Variants in GMDS observed in about 807,000 individuals in gnomAD.
GMDS encodes GDP-mannose 4,6 dehydratase.
In GMDS, 20 loss-of-function variants were observed where a neutral mutation model predicts 49.9. The ratio of observed to expected loss-of-function variants is 0.40; its 90% CI spans 0.28 to 0.58. GMDS has a LOEUF of 0.58. Among genes scored for constraint, GMDS ranks in the 20% least tolerant of loss-of-function variants. The pLI is 0.42. For synonymous variants in GMDS, 177 were observed against 178.6 expected, an observed-to-expected ratio of 0.99 and a Z score of 0.07; for missense variants, 362 against 481.4, an observed-to-expected ratio of 0.75 and a Z score of 2.32.
intron 1 of GMDS, among the ~76,000 whole-genome samples, chr6:2,127,481 T>C (rs973364322): frequency 1.3e-5 from 2 of 152,006 alleles, no homozygotes; most frequent in African/African-American, 2.4e-5. Context: ...TTTAGAGAGC[T>C]GATGTGAAAC....
chr6:1,867,879 C>T (rs1758516476), intron 7 of GMDS, among the ~76,000 whole-genome samples: 1 of 152,138 alleles, frequency 6.6e-6, no homozygotes, highest in African/African-American at 2.4e-5. Context: ...GTACAAGAAA[C>T]ACTCCTGTGT....
At chr6:1,886,698 C>T (rs942444101) in intron 7 of GMDS, among the ~76,000 whole-genome samples, 2 of 152,112 alleles carry the variant, frequency 1.3e-5, no homozygotes, top group Non-Finnish European at 2.9e-5. Flanking sequence ...GGAACAAACA[C>T]TAAAGTTTCT....
Position 1,702,788 on chromosome 6 carries a change from G to A in GMDS, c.987+23628C>T, listed in dbSNP as rs1765587136. 2.0e-5 allele frequency among the ~76,000 whole-genome samples: 3 copies of A among 152,190 alleles called. No individual in the cohort carries two copies. In the South Asian group the frequency reaches 6.2e-4, roughly 32 times the overall value. ...CTCTGGACATTGGATAGCAGATAATGTCCGCCTCACTGCCCATCTGGTGAC... is the reference window on the plus strand; with the variant it reads ...CTCTGGACATTGGATAGCAGATAATATCCGCCTCACTGCCCATCTGGTGAC... On this transcript the variant is annotated intron_variant, in intron 9 of 10. Coordinates refer to ENST00000380815, the MANE Select transcript of GMDS (RefSeq NM_001500.4).
rs959055782 is a variant in GMDS at position 2,113,215 on chromosome 6, T to TTTCC, written c.345+2552_345+2555dup. On this transcript the variant is annotated intron_variant, in intron 4 of 10. Transcript: ENST00000380815. Reference sequence around the variant, plus strand: ...GTCCCCTGGGCACTGGAGCCCTGGGTTTCCCTCTTCTCTAGTGACCACATC... The same window carrying TTTCC: ...GTCCCCTGGGCACTGGAGCCCTGGGTTTCCTTCCCTCTTCTCTAGTGACCACATC... Among the ~76,000 whole-genome samples, 28 of 152,142 alleles carry TTTCC rather than the reference T, an allele frequency of 1.8e-4. 1 individual carries two copies. The highest frequency in any genetic ancestry group is 7.2e-4 in the Admixed American group (11 of 15,274).
chr6:1,809,653 C>A (rs1304007056), intron 7 of GMDS, among the ~76,000 whole-genome samples: 1 of 152,112 alleles, frequency 6.6e-6, no homozygotes, highest in Non-Finnish European at 1.5e-5. Context: ...GTAACAGGAA[C>A]CAGCCAACCA....
intron 4 of GMDS, among the ~76,000 whole-genome samples, chr6:2,082,376 A>T (rs538594800): frequency 6.6e-6 from 1 of 152,336 alleles, no homozygotes; most frequent in Non-Finnish European, 1.5e-5. Flanking sequence ...AGACAAAAAG[A>T]GAAGAGTGTC....
intron 7 of GMDS, among the ~76,000 whole-genome samples, chr6:1,856,198 T>C (rs745881229): frequency 6.6e-6 from 1 of 152,238 alleles, no homozygotes; most frequent in Non-Finnish European, 1.5e-5. Flanking sequence ...TGCTGGTGTA[T>C]GTGTCTTTAA....
intron 7 of GMDS, among the ~76,000 whole-genome samples, chr6:1,815,536 T>C (rs1770622751): frequency 1.3e-5 from 2 of 152,248 alleles, no homozygotes; most frequent in African/African-American, 4.8e-5. Context: ...AATATGGCCA[T>C]GGAATAATCC....
intron 7 of GMDS, among the ~76,000 whole-genome samples, chr6:1,921,251 T>A (rs1392611055): frequency 1.3e-5 from 2 of 152,272 alleles, no homozygotes. Context: ...CAATTTTATG[T>A]GGTTTAAATC....
At chr6:1,852,508 A>T (rs1757723303) in intron 7 of GMDS, among the ~76,000 whole-genome samples, 1 of 152,232 alleles carries the variant, frequency 6.6e-6, no homozygotes, top group South Asian at 2.1e-4. Flanking sequence ...AACGAGTTTA[A>T]CAGGGCTTTT....
intron 4 of GMDS, among the ~76,000 whole-genome samples, chr6:2,020,468 G>A (rs1167153193): frequency 6.6e-6 from 1 of 152,062 alleles, no homozygotes; most frequent in Non-Finnish European, 1.5e-5. Context: ...CTTTAGCAGA[G>A]GCAGAATGCT....
intron 7 of GMDS, among the ~76,000 whole-genome samples, chr6:1,758,016 C>T (rs529762164): frequency 2.6e-5 from 4 of 152,234 alleles, no homozygotes; most frequent in Non-Finnish European, 5.9e-5. Flanking sequence ...GACATCTCCA[C>T]TCAGAAGAGG....
In GMDS at chr6:1,740,204, T is replaced by TA. The variant is rs544493928; in HGVS notation, c.890+2263dup. Among the ~76,000 whole-genome samples the TA allele has an allele frequency of 3.5e-3, 531 of 152,278 alleles. 2 individuals are homozygous for TA. The highest frequency in any genetic ancestry group is 0.012 in the African/African-American group (509 of 41,544). On this transcript the variant is annotated intron_variant, in intron 8 of 10. Transcript: ENST00000380815. ...TTGTTAAAATATGTTAGAGAGTTAT[T>TA]AAAAAAAGTAATTAATGAGAGTGGC... is the stretch of plus-strand genomic sequence containing the variant.
At chr6:1,854,989 T>C (rs1291374065) in intron 7 of GMDS, among the ~76,000 whole-genome samples, 1 of 152,202 alleles carries the variant, frequency 6.6e-6, no homozygotes, top group Non-Finnish European at 1.5e-5. Context: ...GTCTGAGATG[T>C]GTAGTTGTCA....
At chr6:2,144,419 T>C (rs1776451843) in intron 1 of GMDS, among the ~76,000 whole-genome samples, 1 of 152,144 alleles carries the variant, frequency 6.6e-6, no homozygotes, top group Admixed American at 6.5e-5. Flanking sequence ...CCACAGTCTT[T>C]AATGGACTTC....
In GMDS at chr6:2,013,925, C is replaced by CATATATATATATATATATATATATAT. The variant is rs10523956; in HGVS notation, c.346-52985_346-52960dup. On this transcript the variant is annotated intron_variant, in intron 4 of 10. Transcript: ENST00000380815. ...AGAGAACACCAGAGAGGATAAAAAC[C>CATATATATATATATATATATATATAT]ATATATATATATATATATATATATA... Among the ~76,000 whole-genome samples the CATATATATATATATATATATATATAT allele has an allele frequency of 4.7e-4, 59 of 125,088 alleles. 1 individual carries two copies. Among genetic ancestry groups the CATATATATATATATATATATATATAT allele is most frequent in the Non-Finnish European group, 5.7e-4 (35 of 61,266 alleles). 82.1% of individuals were successfully genotyped at this position (125,088 alleles called of 152,430 possible).
At chr6:2,053,264 A>G (rs1329828977) in intron 4 of GMDS, among the ~76,000 whole-genome samples, 1 of 152,202 alleles carries the variant, frequency 6.6e-6, no homozygotes, top group Non-Finnish European at 1.5e-5. Context: ...GGTCAAATAT[A>G]TAACCATTCT....
chr6:2,003,606 GGA>G (rs1766971744), intron 4 of GMDS, among the ~76,000 whole-genome samples: 1 of 152,116 alleles, frequency 6.6e-6, no homozygotes, highest in Admixed American at 6.6e-5. Context: ...GAGCTGCACA[GGA>G]CCTACCAATT....
At chr6:1,976,162 T>C (rs887619397) in intron 4 of GMDS, among the ~76,000 whole-genome samples, 1 of 151,962 alleles carries the variant, frequency 6.6e-6, no homozygotes, top group Non-Finnish European at 1.5e-5. Context: ...GATCAGCCCA[T>C]TATGAGTCCA....
Sources: allele counts gnomAD v4.1 joint callset (sites outside exome capture counted in the v4.1 genomes callset), GRCh38; gene constraint gnomAD v4.1.1; transcripts MANE v1.5; gene names NCBI Gene and HGNC (gene_info 2026-07-23, HGNC 2026-07-21).